Variants in JAM3 observed in about 807,000 individuals in gnomAD.
JAM3 encodes the protein junctional adhesion molecule 3, also known as junctional adhesion molecule C.
In JAM3, 31 loss-of-function variants were observed where a neutral mutation model predicts 39.4. The ratio of observed to expected loss-of-function variants is 0.79; its 90% CI spans 0.59 to 1.06. The LOEUF is 1.06. Among genes scored for constraint, JAM3 ranks in the 50% least tolerant of loss-of-function variants. JAM3 has a pLI of 0.00. For synonymous variants in JAM3, 182 were observed against 148.7 expected (o/e 1.22, Z -1.63); for missense variants, 455 against 391.4 (o/e 1.16, Z -1.37).
At chr11:134,103,236 C>G (rs1362981629) in intron 1 of JAM3, among the ~76,000 whole-genome samples, 15 of 152,230 alleles carry the variant, frequency 9.9e-5, no homozygotes, top group Admixed American at 1.3e-4. Context: ...GAATTTTCAA[C>G]CCAGAATTTC....
intron 1 of JAM3, among the ~76,000 whole-genome samples, chr11:134,107,321 A>G (rs1214466745): frequency 6.6e-6 from 1 of 152,038 alleles, no homozygotes; most frequent in African/African-American, 2.4e-5. Flanking sequence ...ATCACACACC[A>G]GGACCTGTTG....
chr11:134,119,234 TTGG>T (rs2120763944), intron 1 of JAM3, among the ~76,000 whole-genome samples: 1 of 152,000 alleles, frequency 6.6e-6, no homozygotes, highest in East Asian at 1.9e-4. Context: ...CAAGAAGTCT[TTGG>T]TGGTTTGGGT....
chr11:134,131,604 A>C (rs1942771859), intron 1 of JAM3, among the ~76,000 whole-genome samples: 1 of 152,220 alleles, frequency 6.6e-6, no homozygotes, highest in South Asian at 2.1e-4. Context: ...AAACTGTCCC[A>C]GAGGCAGCAC....
rs150888564 is a variant in JAM3, at chr11:134,086,601, G to A, written c.76+17442G>A. Among the ~76,000 whole-genome samples the A allele has an allele frequency of 3.4e-3, 519 of 152,168 alleles. 5 individuals carry two copies. Among genetic ancestry groups the A allele is most frequent in the African/African-American group, 0.01 (434 of 41,508 alleles). Reference sequence around the variant, plus strand: ...ATAAGAGGTTTTAGTGGAAATTCCAGCATATTTTTAAGTAAAGGAACTGCC... The same window carrying A: ...ATAAGAGGTTTTAGTGGAAATTCCAACATATTTTTAAGTAAAGGAACTGCC... On this transcript the variant is annotated intron_variant, in intron 1 of 8. Coordinates refer to ENST00000299106, the MANE Select transcript of JAM3 (RefSeq NM_032801.5).
At chr11:134,108,733 A>C (rs1591787260) in intron 1 of JAM3, among the ~76,000 whole-genome samples, 1 of 152,288 alleles carries the variant, frequency 6.6e-6, no homozygotes, top group East Asian at 1.9e-4. Context: ...CACTTGACAA[A>C]ATTCAACATC....
intron 1 of JAM3, among the ~76,000 whole-genome samples, chr11:134,132,200 C>T (rs1310098120): frequency 6.6e-6 from 1 of 152,140 alleles, no homozygotes; most frequent in Non-Finnish European, 1.5e-5. Context: ...TCAGCAGATA[C>T]AATTAATCTT....
chr11:134,082,382 G>A (rs1941680565), intron 1 of JAM3, among the ~76,000 whole-genome samples: 1 of 152,174 alleles, frequency 6.6e-6, no homozygotes, highest in South Asian at 2.1e-4. Context: ...AGATTTGGGA[G>A]GGGCCAGGGG....
chr11:134,144,813 G>A lies in JAM3; in HGVS notation c.431G>A (p.Cys144Tyr). The A allele has an allele frequency of 6.2e-7, 1 of 1,614,132 alleles. No individual in the cohort carries two copies. Among genetic ancestry groups the A allele is most frequent in the Non-Finnish European group, 8.5e-7 (1 of 1,179,994 alleles). ...ACAGTGAAGCCAGTGACCCCTGTCTGTAGAGTGCCGAAGGCTGTACCAGTA... is the reference window on the plus strand; with the variant it reads ...ACAGTGAAGCCAGTGACCCCTGTCTATAGAGTGCCGAAGGCTGTACCAGTA... The part of the protein sequence containing the change: ...TVQVKPVTPV[C>Y]RVPKAVPVGK... The change falls in exon 5 of 9, where the codon TGT becomes TAT. Residue 144 changes from cysteine to tyrosine, a missense_variant. Physicochemically the swap from Cys to Tyr is radical, Grantham distance 194 (BLOSUM62 -2). Transcript: ENST00000299106.
chr11:134,122,491 T>C (rs1256533424), intron 1 of JAM3, among the ~76,000 whole-genome samples: 1 of 152,206 alleles, frequency 6.6e-6, no homozygotes, highest in African/African-American at 2.4e-5. Context: ...CAGCCAAGAA[T>C]CTGCAGAAAT....
At position 134,145,061 on chromosome 11, in the gene JAM3, AAG is replaced by A. The variant is rs1159342716; in HGVS notation, c.612+69_612+70del. On this transcript the variant is annotated intron_variant, in intron 5 of 8. Coordinates refer to ENST00000299106, the MANE Select transcript of JAM3 (RefSeq NM_032801.5). ...TGGGGCAAGAGATGCTTATTGTGAA[AAG>A]AAGATTAGGAGAGATACTGAAACTT... 6.8e-6 allele frequency: 9 copies of A among 1,314,474 alleles called. No homozygotes were observed. The Admixed American group carries it at 1.4e-4, about 20-fold the overall frequency. 81.4% of individuals were successfully genotyped at this position (1,314,474 alleles called of 1,614,324 possible).
intron 1 of JAM3, among the ~76,000 whole-genome samples, chr11:134,103,328 CACCAGG>C (rs1173616887): frequency 2.6e-5 from 4 of 152,208 alleles, no homozygotes; most frequent in African/African-American, 7.2e-5. Flanking sequence ...ATTTTGTCAC[CACCAGG>C]CCTGCCCTAC....
intron 1 of JAM3, among the ~76,000 whole-genome samples, chr11:134,106,179 C>T (rs542774694): frequency 6.6e-6 from 1 of 152,114 alleles, no homozygotes; most frequent in African/African-American, 2.4e-5. Flanking sequence ...ACAGAGCCCT[C>T]AGAAATAATA....
At chr11:134,106,518 T>G (rs1942191105) in intron 1 of JAM3, among the ~76,000 whole-genome samples, 1 of 152,188 alleles carries the variant, frequency 6.6e-6, no homozygotes, top group Admixed American at 6.5e-5. Flanking sequence ...AAAGAGCTTC[T>G]GCACAGCAAA....
intron 1 of JAM3, among the ~76,000 whole-genome samples, chr11:134,108,874 C>T (rs1368213758): frequency 1.3e-5 from 2 of 152,066 alleles, no homozygotes; most frequent in East Asian, 3.9e-4. Flanking sequence ...GAGGGAGTTT[C>T]CCAATCTGAT....
At chr11:134,075,252 G>T (rs1352513644) in intron 1 of JAM3, among the ~76,000 whole-genome samples, 6 of 152,136 alleles carry the variant, frequency 3.9e-5, no homozygotes, top group Admixed American at 1.3e-4. Flanking sequence ...CTCTCTCTGG[G>T]CTGACCTGGT....
chr11:134,139,887 A>G lies in JAM3; in HGVS notation c.113A>G (p.Asn38Ser), dbSNP rs1406036458. Residue 38 changes from asparagine to serine, a missense_variant, in exon 2 of 9, where the codon AAT becomes AGT. Transcript: ENST00000299106. ...LIGAVNLKSS[N>S]RTPVVQEFES... is the part of the protein sequence containing the mutation. ...GGGGCTGTAAATCTCAAATCCAGCA[A>G]TCGAACCCCAGTGGTACAGGAATTT... The G allele has an allele frequency of 8.7e-6, 14 of 1,613,944 alleles. No homozygotes were observed. Among genetic ancestry groups the G allele is most frequent in the African/African-American group, 6.7e-5 (5 of 74,928 alleles).
chr11:134,141,254 G>A (rs1204751465), intron 3 of JAM3, among the ~76,000 whole-genome samples: 1 of 152,122 alleles, frequency 6.6e-6, no homozygotes. Flanking sequence ...GGAGGATGGT[G>A]GTCAGGGAAG....
chr11:134,116,016 T>A (rs1295049335), intron 1 of JAM3, among the ~76,000 whole-genome samples: 12 of 152,232 alleles, frequency 7.9e-5, no homozygotes, highest in Non-Finnish European at 1.6e-4. Flanking sequence ...GCTACCCTGA[T>A]CACTAGGTTT....
intron 1 of JAM3, among the ~76,000 whole-genome samples, chr11:134,128,476 C>T (rs999395254): frequency 6.6e-6 from 1 of 152,192 alleles, no homozygotes; most frequent in Non-Finnish European, 1.5e-5. Context: ...AATCTCATCT[C>T]AAATTGTAAT....
Sources: allele counts gnomAD v4.1 joint callset (sites outside exome capture counted in the v4.1 genomes callset), GRCh38; gene constraint gnomAD v4.1.1; transcripts MANE v1.5; gene names NCBI Gene and HGNC (gene_info 2026-07-23, HGNC 2026-07-21).